The following CPXM1 variants were observed in gnomAD, a reference collection of about 807,000 sequenced individuals.
CPXM1 encodes the protein probable carboxypeptidase X1.
In CPXM1, 72 loss-of-function variants were observed where a neutral mutation model predicts 80.4. The ratio of observed to expected loss-of-function variants is 0.90; its 90% CI spans 0.74 to 1.09. The LOEUF is 1.09. Among genes scored for constraint, CPXM1 ranks in the 50% least tolerant of loss-of-function variants. The pLI is 0.00. For missense variants in CPXM1, 892 were observed against 999.4 expected (o/e 0.89, Z 1.45); for synonymous variants, 403 against 405.6 (o/e 0.99, Z 0.08).
At position 2,795,942 on chromosome 20, in the gene CPXM1, G is replaced by GC. The variant is rs2088502408; in HGVS notation, c.1422+39dup. The GC allele has an allele frequency of 1.2e-6, 2 of 1,600,184 alleles. No individual in the cohort carries two copies. Among genetic ancestry groups the GC allele is most frequent in the Non-Finnish European group, 1.7e-6 (2 of 1,170,960 alleles). On this transcript the variant is annotated intron_variant, in intron 10 of 13. Coordinates refer to ENST00000380605, the MANE Select transcript of CPXM1 (RefSeq NM_019609.5). This position sits in a 1 kb window ranked among gnomAD's most constrained non-coding sequence, Gnocchi z 5.4. ...GGGGCAGGAGACAGAGACAAGGTCC[G>GC]CCCCCCACAGACCTCCACTGCCGCC... is the stretch of plus-strand genomic sequence containing the variant.
At chr20:2,800,115 T>TGC (rs1169691895) in intron 1 of CPXM1, among the ~76,000 whole-genome samples, 3 of 147,750 alleles carry the variant, frequency 2.0e-5, no homozygotes, top group Non-Finnish European at 3.0e-5. Context: ...AGTGTGAGTG[T>TGC]GCGCGCGCGT....
In CPXM1 at chr20:2,795,928, CAG is replaced by C; in HGVS notation, c.1423-34_1423-33del. ...GGGGCAGGTCAGGAGGGGCAGGAGA[CAG>C]AGACAAGGTCCGCCCCCCACAGACC... On this transcript the variant is annotated intron_variant, in intron 10 of 13. Coordinates refer to ENST00000380605, the MANE Select transcript of CPXM1 (RefSeq NM_019609.5). The surrounding 1 kb of genome is among the most constrained non-coding windows in gnomAD (Gnocchi z 5.4). 1 of 1,602,888 alleles carries C rather than the reference CAG, an allele frequency of 6.2e-7. No individual in the cohort carries two copies. The highest frequency in any genetic ancestry group is 1.7e-5 in the Admixed American group (1 of 59,678).
rs2088483735 is a variant in CPXM1 at position 2,794,447 on chromosome 20, G to C, written c.1964-16C>G. ...CCGCCCCACGCTGAGGAGAGTGAAG[G>C]GCACGATCAGGACCCAATTAATGAT... On this transcript the variant is annotated splice_polypyrimidine_tract_variant and intron_variant, in intron 13 of 13. Coordinates refer to ENST00000380605, the MANE Select transcript of CPXM1 (RefSeq NM_019609.5). The surrounding 1 kb of genome is among the most constrained non-coding windows in gnomAD (Gnocchi z 5.2). The C allele has an allele frequency of 6.2e-7, 1 of 1,613,232 alleles. No homozygotes were observed. The highest frequency in any genetic ancestry group is 8.5e-7 in the Non-Finnish European group (1 of 1,179,440).
chr20:2,796,269 C>T lies in CPXM1; in HGVS notation c.1220G>A (p.Gly407Asp). 6.2e-7 allele frequency: 1 copy of T among 1,613,738 alleles called. No individual in the cohort carries two copies. Among genetic ancestry groups the T allele is most frequent in the South Asian group, 1.1e-5 (1 of 91,076 alleles). ...TACCCGGTGGTAGGCGATCTCATAG[C>T]CATCAGGGTTCATGGAGGGCAGCAG... ...IHLLPSMNPD[G>D]YEIAYHRGSE... The change falls in exon 9 of 14, where the codon GGC becomes GAC. Residue 407 changes from glycine to aspartate, a missense_variant. Gly to Asp is a moderately conservative substitution (Grantham distance 94). This residue lies in a region of CPXM1 where 874 missense variants were observed against 958.4 expected (regional missense o/e 0.91). Transcript: ENST00000380605. This position sits in a 1 kb window ranked among gnomAD's most constrained non-coding sequence, Gnocchi z 6.8.
Position 2,798,474 on chromosome 20 carries a change from C to T in CPXM1, c.404G>A (p.Ser135Asn). The change falls in exon 3 of 14, where the codon AGC (serine) becomes AAC (asparagine). Residue 135 changes from serine (S) to asparagine (N), a missense_variant. Ser to Asn is a conservative substitution (Grantham distance 46). This residue lies in a region of CPXM1 where 874 missense variants were observed against 958.4 expected (regional missense o/e 0.91). Transcript: ENST00000380605. ...GTGTGGTCCAAGACCAAAGGACTGG[C>T]TGCTGGATGCCTCAAGCCGGCTATC... ...VSDSRLEASS[S>N]QSFGLGPHRG... 1 of 1,614,150 alleles carries T rather than the reference C, an allele frequency of 6.2e-7. No homozygotes were observed. Among genetic ancestry groups the T allele is most frequent in the Non-Finnish European group, 8.5e-7 (1 of 1,180,020 alleles).
chr20:2,796,385 C>T lies in CPXM1; in HGVS notation c.1104G>A (p.Glu368=), dbSNP rs747515739. 6.2e-7 allele frequency: 1 copy of T among 1,614,142 alleles called. No homozygotes were observed. The highest frequency in any genetic ancestry group is 1.1e-5 in the South Asian group (1 of 91,086). The change falls in exon 9 of 14, where the codon GAG becomes GAA. Residue 368 remains glutamate (E), a synonymous_variant. Transcript: ENST00000380605. The surrounding 1 kb of genome is among the most constrained non-coding windows in gnomAD (Gnocchi z 6.8). The stretch of plus-strand genomic sequence containing the variant: ...GGAACTGCATCAGGAGCAGAAGCAA[C>T]TCCCGCCCCAGGGCCTCGTTCCCAT... ...GMHGNEALGR[E]LLLLLMQFLC...
At chr20:2,798,917 TG>T (rs1568602739) in intron 1 of CPXM1, 24 bp from the exon 2 acceptor site, 1 of 1,605,486 alleles carries the variant, frequency 6.2e-7, no homozygotes, top group South Asian at 1.1e-5. Context: ...AGGCACAGCA[TG>T]GGGGAAAGGA....
At position 2,796,935 on chromosome 20, in the gene CPXM1, C is replaced by A. The variant is rs1019336221; in HGVS notation, c.921+71G>T. Reference sequence around the variant, plus strand: ...AGCGCAGTCACAGCAGGTTGTGCCCCGGTGGGAAGGTGGGAAGGGGACCTG... The same window carrying A: ...AGCGCAGTCACAGCAGGTTGTGCCCAGGTGGGAAGGTGGGAAGGGGACCTG... On this transcript the variant is annotated intron_variant, in intron 7 of 13. Transcript: ENST00000380605. The surrounding 1 kb of genome is among the most constrained non-coding windows in gnomAD (Gnocchi z 6.8). 22 of 1,421,048 alleles carry A rather than the reference C, an allele frequency of 1.5e-5. No individual in the cohort carries two copies. Among genetic ancestry groups the A allele is most frequent in the Non-Finnish European group, 1.9e-5 (19 of 1,011,556 alleles). The allele number at this position is 1,421,048 out of a possible 1,614,324, so 88.0% of individuals were successfully genotyped here. A position where few individuals can be genotyped will look rare whatever the true frequency, so the allele number is the denominator to read the frequency against.
At position 2,795,268 on chromosome 20, in the gene CPXM1, A is replaced by G; in HGVS notation, c.1860+9T>C. 8 of 1,612,350 alleles carry G rather than the reference A, an allele frequency of 5.0e-6. No individual in the cohort carries two copies. Among genetic ancestry groups the G allele is most frequent in the Non-Finnish European group, 6.8e-6 (8 of 1,179,158 alleles). On this transcript the variant is annotated intron_variant, in intron 12 of 13. Coordinates refer to ENST00000380605, the MANE Select transcript of CPXM1 (RefSeq NM_019609.5). The surrounding 1 kb of genome is among the most constrained non-coding windows in gnomAD (Gnocchi z 5.4). ...TCAGGCAGGCTGGGGGCCGGGACGC[A>G]GATCCGACCTGCTCCAGGTAGGTGA...
chr20:2,800,513 C>T lies in CPXM1; in HGVS notation c.60G>A (p.Gly20=). The change falls in exon 1 of 14, where the codon GGG becomes GGA. Residue 20 remains glycine (G), a synonymous_variant. Transcript: ENST00000380605. The part of the protein sequence containing the change: ...AFAPAVGPAL[G]APRNSVLGLA... Reference sequence around the variant, plus strand: ...GGCCCAGCACCGAGTTCCTGGGCGCCCCCAGAGCCGGGCCGACGGCCGGCG... The same window carrying T: ...GGCCCAGCACCGAGTTCCTGGGCGCTCCCAGAGCCGGGCCGACGGCCGGCG... 7.3e-7 allele frequency: 1 copy of T among 1,370,120 alleles called. No individual in the cohort carries two copies. The highest frequency in any genetic ancestry group is 9.4e-7 in the Non-Finnish European group (1 of 1,068,156). The allele number at this position is 1,370,120 out of a possible 1,614,324, so 84.9% of individuals were successfully genotyped here.
chr20:2,797,046 G>A lies in CPXM1; in HGVS notation c.881C>T (p.Pro294Leu). 1.2e-6 allele frequency: 2 copies of A among 1,614,106 alleles called. No individual in the cohort carries two copies. The highest frequency in any genetic ancestry group is 1.7e-6 in the Non-Finnish European group (2 of 1,179,982). Residue 294 changes from proline (P) to leucine (L), a missense_variant, in exon 7 of 14, where the codon CCT becomes CTT. Coordinates refer to ENST00000380605, the MANE Select transcript of CPXM1 (RefSeq NM_019609.5). ...LEAPASGSSDPLDFQHHNYKA... is the reference protein window; with the variant it reads ...LEAPASGSSDLLDFQHHNYKA... Reference sequence around the variant, plus strand: ...GTAATTGTGATGCTGAAAGTCTAGAGGGTCAGAGGATCCCGACGCAGGGGC... The same window carrying A: ...GTAATTGTGATGCTGAAAGTCTAGAAGGTCAGAGGATCCCGACGCAGGGGC...
At position 2,796,683 on chromosome 20, in the gene CPXM1, T is replaced by G. The variant is rs774418507; in HGVS notation, c.922-33A>C. On this transcript the variant is annotated intron_variant, in intron 7 of 13. Coordinates refer to ENST00000380605, the MANE Select transcript of CPXM1 (RefSeq NM_019609.5). This position sits in a 1 kb window ranked among gnomAD's most constrained non-coding sequence, Gnocchi z 6.8. Reference sequence around the variant, plus strand: ...GCAGAGTGTAGCGTGGCATGAGGCATGGGAGGGGTACACCCAGGGGCAGAT... The same window carrying G: ...GCAGAGTGTAGCGTGGCATGAGGCAGGGGAGGGGTACACCCAGGGGCAGAT... The G allele has an allele frequency of 4.5e-5, 72 of 1,611,912 alleles. No individual in the cohort carries two copies. In the South Asian group the frequency reaches 7.9e-4, roughly 18 times the overall value.
intron 1 of CPXM1, among the ~76,000 whole-genome samples, chr20:2,799,371 C>G (rs551449732): frequency 6.6e-6 from 1 of 152,186 alleles, no homozygotes; most frequent in South Asian, 2.1e-4. Context: ...ACCCCTGTGC[C>G]GCTTCCATTG....
Position 2,795,084 on chromosome 20 carries a change from G to A in CPXM1, c.1860+193C>T, listed in dbSNP as rs142926724. Among the ~76,000 whole-genome samples, 1,675 of 152,164 alleles carry A rather than the reference G, an allele frequency of 0.011. 37 individuals are homozygous for A. Among genetic ancestry groups the A allele is most frequent in the African/African-American group, 0.039 (1,598 of 41,500 alleles). ...AGGCTCCTCCCACCGGCTCTAACAC[G>A]ATGCCACGCTGCCAGCAAACTGCAC... On this transcript the variant is annotated intron_variant, in intron 12 of 13. Coordinates refer to ENST00000380605, the MANE Select transcript of CPXM1 (RefSeq NM_019609.5). The surrounding 1 kb of genome is among the most constrained non-coding windows in gnomAD (Gnocchi z 5.4).
chr20:2,794,300 C>T lies in CPXM1; in HGVS notation c.2095G>A (p.Val699Met), dbSNP rs560382916. 31 of 1,614,148 alleles carry T rather than the reference C, an allele frequency of 1.9e-5. No individual in the cohort carries two copies. The East Asian group carries it at 2.2e-4, about 12-fold the overall frequency. The change falls in exon 14 of 14, where the codon GTG becomes ATG. Residue 699 changes from valine to methionine, a missense_variant. By Grantham distance (21) the Val-to-Met change is conservative (BLOSUM62 1). This residue lies in a region of CPXM1 where 874 missense variants were observed against 958.4 expected (regional missense o/e 0.91). Coordinates refer to ENST00000380605, the MANE Select transcript of CPXM1 (RefSeq NM_019609.5). The surrounding 1 kb of genome is among the most constrained non-coding windows in gnomAD (Gnocchi z 5.2). ...FEEGPFPCNF[V>M]LTKTPKQRLR... ...CTCTGTTTGGGAGTCTTGGTGAGCA[C>T]GAAATTGCAGGGGAAGGGGCCCTCT...
At chr20:2,800,302 G>T in intron 1 of CPXM1, 99 bp downstream of exon 1, 1 of 1,093,460 alleles carries the variant, frequency 9.1e-7, no homozygotes, top group East Asian at 3.2e-5. Flanking sequence ...GTGTGCGTGG[G>T]TGTGCGTGTG....
chr20:2,799,004 G>A, intron 1 of CPXM1, 111 bp from the exon 2 acceptor site: 1 of 1,084,010 alleles, frequency 9.2e-7, no homozygotes. Context: ...CACACCACCA[G>A]GATCTAACAG....
chr20:2,797,288 G>T lies in CPXM1; in HGVS notation c.736C>A (p.Pro246Thr). The change falls in exon 6 of 14, where the codon CCC becomes ACC. Residue 246 changes from proline to threonine, a missense_variant. Physicochemically the swap from Pro to Thr is conservative, Grantham distance 38 (BLOSUM62 -1). Transcript: ENST00000380605. ...ETPVLNLLPE[P>T]QVARFIRLLP... ...AGGCGAATGAAGCGGGCCACCTGGGGCTCCGGCAGGAGGTTCAGCACTGGA... is the reference window on the plus strand; with the variant it reads ...AGGCGAATGAAGCGGGCCACCTGGGTCTCCGGCAGGAGGTTCAGCACTGGA... The T allele has an allele frequency of 6.4e-7, 1 of 1,565,014 alleles. No individual in the cohort carries two copies. Among genetic ancestry groups the T allele is most frequent in the Non-Finnish European group, 8.7e-7 (1 of 1,154,802 alleles).
At position 2,794,429 on chromosome 20, in the gene CPXM1, A is replaced by G. The variant is rs769587683; in HGVS notation, c.1966T>C (p.Trp656Arg). The G allele has an allele frequency of 6.2e-7, 1 of 1,613,726 alleles. No individual in the cohort carries two copies. Among genetic ancestry groups the G allele is most frequent in the Admixed American group, 1.7e-5 (1 of 60,002 alleles). ...DGINHDVTTAWGGDYWRLLTP... is the reference protein window; with the variant it reads ...DGINHDVTTARGGDYWRLLTP... ...AGCAGACGCCAATAATCCCCGCCCC[A>G]CGCTGAGGAGAGTGAAGGGCACGAT... Residue 656 changes from tryptophan to arginine, a missense_variant and splice_region_variant, in exon 14 of 14, where the codon TGG becomes CGG. This residue lies in a region of CPXM1 where 874 missense variants were observed against 958.4 expected (regional missense o/e 0.91). Coordinates refer to ENST00000380605, the MANE Select transcript of CPXM1 (RefSeq NM_019609.5). This position sits in a 1 kb window ranked among gnomAD's most constrained non-coding sequence, Gnocchi z 5.2.
Sources: allele counts gnomAD v4.1 joint callset (sites outside exome capture counted in the v4.1 genomes callset), GRCh38; gene constraint gnomAD v4.1.1; regional missense constraint gnomAD v4.1.1; non-coding constraint Gnocchi (gnomAD v3.1); transcripts MANE v1.5; gene names NCBI Gene and HGNC (gene_info 2026-07-23, HGNC 2026-07-21).